The following MYT1L variants were observed in gnomAD, a reference collection of about 807,000 sequenced individuals.
MYT1L encodes myelin transcription factor 1-like protein.
In MYT1L, 12 loss-of-function variants were observed where a neutral mutation model predicts 126.7. The ratio of observed to expected loss-of-function variants is 0.09; its 90% CI spans 0.06 to 0.15. The LOEUF is 0.15. MYT1L is among the 10% of genes least tolerant of loss of function. The probability of loss-of-function intolerance (pLI) is 1.00; values close to 1 mark genes in which losing one functional copy is unlikely to be tolerated. For synonymous variants in MYT1L, 541 were observed against 604.2 expected (o/e 0.90, Z 1.53); for missense variants, 979 against 1,585.2 (o/e 0.62, Z 6.49).
intron 2 of MYT1L, among the ~76,000 whole-genome samples, chr2:2,214,270 T>TATCTATCTATC (rs2093615332): frequency 6.7e-6 from 1 of 149,300 alleles, no homozygotes; most frequent in African/African-American, 2.5e-5. Context: ...TCTATCTATC[T>TATCTATCTATC]ATCTATCTAT....
intron 2 of MYT1L, among the ~76,000 whole-genome samples, chr2:2,178,688 G>A (rs115439393): frequency 0.026 from 3,899 of 152,252 alleles, 75 homozygotes; most frequent in Non-Finnish European, 0.034. Context: ...ACACTTGGTA[G>A]AATGGCTTTT....
At chr2:2,320,966 C>T (rs370039951) in intron 1 of MYT1L, among the ~76,000 whole-genome samples, 13 of 152,350 alleles carry the variant, frequency 8.5e-5, no homozygotes, top group African/African-American at 3.1e-4. Context: ...GGAGACCATA[C>T]ATCCGTGGTC....
intron 18 of MYT1L, among the ~76,000 whole-genome samples, chr2:1,867,069 G>A (rs1300879322): frequency 2.1e-5 from 3 of 146,142 alleles, no homozygotes; most frequent in African/African-American, 7.6e-5. Flanking sequence ...GGGGAGAGAG[G>A]GAGGGAGGAA....
intron 23 of MYT1L, among the ~76,000 whole-genome samples, chr2:1,794,745 G>A (rs549832619): frequency 1.4e-4 from 21 of 152,176 alleles, no homozygotes; most frequent in Non-Finnish European, 2.6e-4. Flanking sequence ...CGTGCTACCC[G>A]GGTCTGTGGC....
At chr2:2,163,055 A>G (rs887890760) in intron 3 of MYT1L, among the ~76,000 whole-genome samples, 2 of 152,332 alleles carry the variant, frequency 1.3e-5, no homozygotes, top group African/African-American at 4.8e-5. Context: ...GGTAGAATGT[A>G]GAAATAAGAT....
At position 1,903,099 on chromosome 2, in the gene MYT1L, G is replaced by A. The variant is rs865968411; in HGVS notation, c.2013C>T (p.Ser671=). The A allele has an allele frequency of 6.2e-7, 1 of 1,613,740 alleles. No homozygotes were observed. The highest frequency in any genetic ancestry group is 8.5e-7 in the Non-Finnish European group (1 of 1,179,672). The change falls in exon 14 of 25, where the codon TCC becomes TCT. Residue 671 remains serine, a synonymous_variant. Transcript: ENST00000647738. ...TCCTACCATCATCATATCCTTTGGGGGATATATCCCTGGTTTGCACCTTGG... is the reference window on the plus strand; with the variant it reads ...TCCTACCATCATCATATCCTTTGGGAGATATATCCCTGGTTTGCACCTTGG... ...IAPKVQTRDI[S]PKGYDDAKRY...
chr2:2,012,759 C>T (rs369615030), intron 4 of MYT1L, among the ~76,000 whole-genome samples: 7 of 152,292 alleles, frequency 4.6e-5, no homozygotes, highest in African/African-American at 1.7e-4. Context: ...ACACCGCACA[C>T]CCTACCCACC....
At chr2:1,923,329 A>G in intron 9 of MYT1L, 66 bp from the exon 10 acceptor site, 1 of 1,341,904 alleles carries the variant, frequency 7.5e-7, no homozygotes, top group Non-Finnish European at 1.0e-6. Context: ...CTGGAAGCTT[A>G]GTTGCAACAG....
chr2:1,813,643 G>T (rs897022532), intron 21 of MYT1L, among the ~76,000 whole-genome samples: 1 of 152,082 alleles, frequency 6.6e-6, no homozygotes, highest in Non-Finnish European at 1.5e-5. Flanking sequence ...CCTGCGAGGG[G>T]GTCCGGGCTG....
At chr2:2,159,500 C>G (rs1270814056) in intron 3 of MYT1L, among the ~76,000 whole-genome samples, 3 of 151,690 alleles carry the variant, frequency 2.0e-5, no homozygotes, top group Non-Finnish European at 4.4e-5. Context: ...CTTTCCTGCC[C>G]CATCCCCAGA....
intron 8 of MYT1L, among the ~76,000 whole-genome samples, chr2:1,977,360 G>A (rs1321059116): frequency 6.6e-6 from 1 of 152,156 alleles, no homozygotes; most frequent in Non-Finnish European, 1.5e-5. Context: ...CATTACATGG[G>A]ACACATAAAT....
intron 3 of MYT1L, among the ~76,000 whole-genome samples, chr2:2,069,692 T>C (rs956837695): frequency 2.0e-5 from 3 of 152,004 alleles, no homozygotes; most frequent in Admixed American, 6.5e-5. Context: ...CCATCAACAG[T>C]GTAAAAGCGT....
At position 1,928,567 on chromosome 2, in the gene MYT1L, G is replaced by A. The variant is rs540501952; in HGVS notation, c.506-5304C>T. On this transcript the variant is annotated intron_variant, in intron 9 of 24. Transcript: ENST00000647738. ...CTCCCAGGAGGCACGTTCTACACTA[G>A]TTAGCCAGACATGCAGCACTTTAAT... Among the ~76,000 whole-genome samples the A allele has an allele frequency of 5.3e-5, 8 of 152,340 alleles. No individual in the cohort carries two copies. The South Asian group carries it at 1.7e-3, about 32-fold the overall frequency.
intron 18 of MYT1L, among the ~76,000 whole-genome samples, chr2:1,872,991 C>T (rs1177205799): frequency 6.6e-6 from 1 of 152,138 alleles, no homozygotes; most frequent in East Asian, 1.9e-4. Flanking sequence ...GGAGTGAAGC[C>T]AGCAGTCTGG....
At chr2:1,895,888 C>A (rs138186768) in intron 14 of MYT1L, among the ~76,000 whole-genome samples, 1 of 152,124 alleles carries the variant, frequency 6.6e-6, no homozygotes, top group Non-Finnish European at 1.5e-5. Flanking sequence ...AAACTATCAA[C>A]GGAGCAGACA....
intron 2 of MYT1L, among the ~76,000 whole-genome samples, chr2:2,177,399 G>A (rs2090930550): frequency 1.3e-5 from 2 of 152,202 alleles, no homozygotes; most frequent in South Asian, 4.1e-4. Flanking sequence ...TATAAGCACT[G>A]ACAAGGCAGA....
chr2:1,796,786 C>G (rs1445077746), intron 23 of MYT1L, among the ~76,000 whole-genome samples: 1 of 152,140 alleles, frequency 6.6e-6, no homozygotes, highest in Non-Finnish European at 1.5e-5. Context: ...AGGACTCCCG[C>G]CGTCTCTCCT....
At chr2:1,978,789 G>C (rs958109369) in intron 8 of MYT1L, among the ~76,000 whole-genome samples, 1 of 152,054 alleles carries the variant, frequency 6.6e-6, no homozygotes, top group Non-Finnish European at 1.5e-5. Context: ...TTAATTGACC[G>C]TTCATTGTTT....
intron 4 of MYT1L, among the ~76,000 whole-genome samples, chr2:2,036,621 C>G (rs968691090): frequency 7.2e-5 from 11 of 152,244 alleles, no homozygotes; most frequent in Non-Finnish European, 1.0e-4. Flanking sequence ...CCCCATATCA[C>G]TGAGTCTTTA....
Sources: allele counts gnomAD v4.1 joint callset (sites outside exome capture counted in the v4.1 genomes callset), GRCh38; gene constraint gnomAD v4.1.1; transcripts MANE v1.5; gene names NCBI Gene and HGNC (gene_info 2026-07-23, HGNC 2026-07-21).